The following ARHGAP24 variants were observed in gnomAD, a reference collection of about 807,000 sequenced individuals.
ARHGAP24 encodes Rho GTPase activating protein 24, also known as rho GTPase-activating protein 24.
Under a neutral mutation model 76.4 loss-of-function variants are expected in ARHGAP24, and 50 were observed. The observed-to-expected ratio is 0.65, with a 90% confidence interval of 0.52 to 0.83. The LOEUF (loss-of-function observed/expected upper bound fraction) is 0.83. Among genes scored for constraint, ARHGAP24 ranks in the 40% least tolerant of loss-of-function variants. ARHGAP24 has a pLI of 0.00. For synonymous variants in ARHGAP24, 345 were observed against 323.3 expected (o/e 1.07, Z -0.72); for missense variants, 930 against 914.2 (o/e 1.02, Z -0.22).
At chr4:85,933,954 T>G (rs1736491139) in intron 4 of ARHGAP24, among the ~76,000 whole-genome samples, 1 of 152,218 alleles carries the variant, frequency 6.6e-6, no homozygotes, top group South Asian at 2.1e-4. Flanking sequence ...TGCTTCTTCT[T>G]TATGTCTTTC....
chr4:85,486,742 G>T (rs1257035387), intron 1 of ARHGAP24, among the ~76,000 whole-genome samples: 3 of 152,098 alleles, frequency 2.0e-5, no homozygotes, highest in African/African-American at 7.2e-5. Flanking sequence ...TTAATGAAAT[G>T]GCTTGCGGAA....
At chr4:85,963,893 GT>G (rs1056802599) in intron 5 of ARHGAP24, among the ~76,000 whole-genome samples, 5 of 147,098 alleles carry the variant, frequency 3.4e-5, no homozygotes, top group South Asian at 2.1e-4. Flanking sequence ...ACTTATATAT[GT>G]TTTTTTTCAA....
chr4:85,607,940 G>A (rs997875462), intron 2 of ARHGAP24, among the ~76,000 whole-genome samples: 2 of 151,768 alleles, frequency 1.3e-5, no homozygotes, highest in Non-Finnish European at 2.9e-5. Context: ...GGGCCTTGGT[G>A]TTTATACAGG....
intron 2 of ARHGAP24, among the ~76,000 whole-genome samples, chr4:85,634,340 G>C (rs139248090): frequency 1.8e-3 from 278 of 151,912 alleles, no homozygotes; most frequent in African/African-American, 6.6e-3. Flanking sequence ...TCAGCCTGGA[G>C]GAAAATTAAG....
intron 1 of ARHGAP24, among the ~76,000 whole-genome samples, chr4:85,495,932 ATTTG>A (rs1372120588): frequency 6.6e-6 from 1 of 152,188 alleles, no homozygotes; most frequent in Non-Finnish European, 1.5e-5. Flanking sequence ...ATTTTATAGA[ATTTG>A]TTTGTGTCTC....
intron 2 of ARHGAP24, among the ~76,000 whole-genome samples, chr4:85,641,357 A>G (rs900286716): frequency 2.7e-4 from 41 of 152,330 alleles, no homozygotes; most frequent in African/African-American, 8.7e-4. Context: ...TAAGGCTGCC[A>G]TAACAAGGTA....
intron 2 of ARHGAP24, among the ~76,000 whole-genome samples, chr4:85,580,325 T>C (rs577383013): frequency 7.9e-4 from 121 of 152,254 alleles, no homozygotes; most frequent in Admixed American, 2.1e-3. Flanking sequence ...ATATTGGTTG[T>C]TTCTGCCTTT....
chr4:85,675,340 A>G (rs77758246), intron 2 of ARHGAP24, among the ~76,000 whole-genome samples: 2 of 152,284 alleles, frequency 1.3e-5, no homozygotes, highest in Non-Finnish European at 2.9e-5. Flanking sequence ...CTAGTCCTCT[A>G]TGAATGTTTT....
intron 2 of ARHGAP24, among the ~76,000 whole-genome samples, chr4:85,651,769 C>T (rs1030583759): frequency 2.1e-5 from 3 of 142,988 alleles, no homozygotes; most frequent in African/African-American, 8.0e-5. Context: ...TGTATTCCTT[C>T]AAGGCCATAT....
chr4:85,589,947 C>T (rs560021181), intron 2 of ARHGAP24, among the ~76,000 whole-genome samples: 1 of 152,158 alleles, frequency 6.6e-6, no homozygotes, highest in East Asian at 1.9e-4. Context: ...TCATGCCATC[C>T]ACATTTTTGT....
chr4:85,869,888 G>A (rs983322775), intron 3 of ARHGAP24, among the ~76,000 whole-genome samples: 1 of 152,126 alleles, frequency 6.6e-6, no homozygotes, highest in African/African-American at 2.4e-5. Context: ...CATATGGCTT[G>A]AAGGTGAGGA....
At chr4:85,685,276 T>C (rs994446763) in intron 2 of ARHGAP24, among the ~76,000 whole-genome samples, 1 of 152,160 alleles carries the variant, frequency 6.6e-6, no homozygotes, top group Non-Finnish European at 1.5e-5. Flanking sequence ...CCACTAATCA[T>C]TGAGATTACC....
At chr4:85,657,515 A>G (rs1722217215) in intron 2 of ARHGAP24, among the ~76,000 whole-genome samples, 1 of 152,200 alleles carries the variant, frequency 6.6e-6, no homozygotes, top group Admixed American at 6.5e-5. Context: ...TCTAGCCAGC[A>G]ATGACACTTG....
chr4:85,504,428 G>A (rs7680658), intron 1 of ARHGAP24, among the ~76,000 whole-genome samples: 14,289 of 152,206 alleles, frequency 0.094, 662 homozygotes, highest in Non-Finnish European at 0.11. Context: ...ATATATTTAG[G>A]ATAGTTAGCT....
chr4:85,648,505 C>G (rs1025771990), intron 2 of ARHGAP24, among the ~76,000 whole-genome samples: 3 of 152,008 alleles, frequency 2.0e-5, no homozygotes, highest in Admixed American at 6.6e-5. Context: ...ATATATTATA[C>G]ACTGGAGTTT....
chr4:85,894,485 T>C (rs1423532404), intron 3 of ARHGAP24, among the ~76,000 whole-genome samples: 1 of 152,196 alleles, frequency 6.6e-6, no homozygotes, highest in Non-Finnish European at 1.5e-5. Flanking sequence ...CTCTTGTTCT[T>C]TGAAGGCACA....
intron 6 of ARHGAP24, among the ~76,000 whole-genome samples, chr4:85,972,588 A>G (rs1342748527): frequency 6.6e-6 from 1 of 152,208 alleles, no homozygotes; most frequent in Admixed American, 6.5e-5. Flanking sequence ...TTTTTATACA[A>G]TACAATCGCC....
intron 2 of ARHGAP24, among the ~76,000 whole-genome samples, chr4:85,657,616 G>C (rs1722220851): frequency 6.6e-6 from 1 of 152,172 alleles, no homozygotes; most frequent in African/African-American, 2.4e-5. Context: ...CATGGAGACA[G>C]GGTATTAGGC....
chr4:85,501,182 C>A (rs151277529), intron 1 of ARHGAP24, among the ~76,000 whole-genome samples: 1 of 152,152 alleles, frequency 6.6e-6, no homozygotes, highest in Non-Finnish European at 1.5e-5. Flanking sequence ...CCACAATAAA[C>A]ATATGTGTGC....
Sources: allele counts gnomAD v4.1 joint callset (sites outside exome capture counted in the v4.1 genomes callset), GRCh38; gene constraint gnomAD v4.1.1; transcripts MANE v1.5; gene names NCBI Gene and HGNC (gene_info 2026-07-23, HGNC 2026-07-21).